The following PDE10A variants were observed in gnomAD, a reference collection of about 807,000 sequenced individuals.
The protein encoded by PDE10A is cAMP and cAMP-inhibited cGMP 3',5'-cyclic phosphodiesterase 10A.
A neutral mutation model predicts 97.7 loss-of-function variants in PDE10A; 39 were observed. That is an observed-to-expected ratio of 0.40 (90% CI 0.31 to 0.52). The LOEUF is 0.52. Among genes scored for constraint, PDE10A ranks in the 20% least tolerant of loss-of-function variants. The probability of loss-of-function intolerance (pLI) is 0.56; values close to 1 mark genes in which losing one functional copy is unlikely to be tolerated. For missense variants in PDE10A, 731 were observed against 1,047.8 expected, an observed-to-expected ratio of 0.70 and a Z score of 4.17; for synonymous variants, 371 against 376.8, an observed-to-expected ratio of 0.98 and a Z score of 0.18.
At chr6:165,730,389 C>G (rs1439913705) in intron 1 of PDE10A, among the ~76,000 whole-genome samples, 1 of 152,194 alleles carries the variant, frequency 6.6e-6, no homozygotes, top group African/African-American at 2.4e-5. Context: ...CGTCCCCCAT[C>G]CCAGAGCATT....
intron 17 of PDE10A, among the ~76,000 whole-genome samples, chr6:165,380,266 T>C (rs1427016319): frequency 6.6e-6 from 1 of 152,218 alleles, no homozygotes; most frequent in Admixed American, 6.5e-5. Context: ...AGTACTACTC[T>C]AAGTTGATTT....
intron 2 of PDE10A, among the ~76,000 whole-genome samples, chr6:165,540,146 G>A (rs1054134838): frequency 4.6e-5 from 7 of 152,140 alleles, no homozygotes; most frequent in African/African-American, 1.7e-4. Context: ...GATGCACGCA[G>A]TTCATGCCTT....
intron 3 of PDE10A, among the ~76,000 whole-genome samples, chr6:165,478,114 C>T (rs922421778): frequency 6.6e-6 from 1 of 152,178 alleles, no homozygotes; most frequent in Non-Finnish European, 1.5e-5. Context: ...TATGCACTTG[C>T]TTTCTAAAAA....
chr6:165,735,424 A>G (rs1020628983), intron 1 of PDE10A, among the ~76,000 whole-genome samples: 8 of 152,002 alleles, frequency 5.3e-5, no homozygotes, highest in African/African-American at 1.9e-4. Context: ...GTAGATAGGT[A>G]GGTAGGTTGG....
At position 165,395,201 on chromosome 6, in the gene PDE10A, A is replaced by T; in HGVS notation, c.2283T>A (p.His761Gln). 6.2e-7 allele frequency: 1 copy of T among 1,612,904 alleles called. No homozygotes were observed. The highest frequency in any genetic ancestry group is 1.1e-5 in the South Asian group (1 of 91,064). ...CATACCAGGATGTCCCACAGGACCG[A>T]TGAACCATGTAGACAAAAATTCCAG... is the stretch of plus-strand genomic sequence containing the variant. ...MWPGIFVYMVHRSCGTSCFEL... is the reference protein window; with the variant it reads ...MWPGIFVYMVQRSCGTSCFEL... Residue 761 changes from histidine to glutamine, a missense_variant, in exon 15 of 22, where the codon CAT becomes CAA. His to Gln is a conservative substitution (Grantham distance 24). Around this residue, in one of 8 missense-constraint regions of PDE10A, gnomAD observed 131 missense variants for 187.4 expected, o/e 0.70. Transcript: ENST00000539869.
intron 2 of PDE10A, among the ~76,000 whole-genome samples, chr6:165,488,554 G>GA (rs1780049821): frequency 6.6e-6 from 1 of 152,180 alleles, no homozygotes; most frequent in Admixed American, 6.5e-5. Context: ...TTTGCTCCAA[G>GA]AACTACCAAA....
intron 1 of PDE10A, among the ~76,000 whole-genome samples, chr6:165,849,659 G>A (rs768763801): frequency 2.0e-5 from 3 of 152,198 alleles, no homozygotes; most frequent in African/African-American, 4.8e-5. Context: ...CTCGGTGCCA[G>A]AGAGCTCAGA....
At chr6:165,865,716 T>C (rs1781024076) in intron 1 of PDE10A, among the ~76,000 whole-genome samples, 1 of 150,216 alleles carries the variant, frequency 6.7e-6, no homozygotes, top group Non-Finnish European at 1.5e-5. Context: ...CTTGAAGACA[T>C]GTCTTTTAAA....
chr6:165,817,707 C>T (rs1371280278), intron 1 of PDE10A, among the ~76,000 whole-genome samples: 3 of 152,076 alleles, frequency 2.0e-5, no homozygotes, highest in African/African-American at 4.8e-5. Flanking sequence ...GGAAACCCTG[C>T]CTTTGGAAAT....
chr6:165,389,525 T>C (rs1294370618), intron 16 of PDE10A, among the ~76,000 whole-genome samples: 2 of 152,154 alleles, frequency 1.3e-5, no homozygotes, highest in African/African-American at 4.8e-5. Context: ...GAAGCTATAA[T>C]GATTACCATC....
chr6:165,736,175 G>A (rs6456009), intron 1 of PDE10A, among the ~76,000 whole-genome samples: 39,818 of 150,636 alleles, frequency 0.26, 6,875 homozygotes, highest in African/African-American at 0.48. Flanking sequence ...CAAAAGTAAC[G>A]GCTGCAAACA....
intron 12 of PDE10A, among the ~76,000 whole-genome samples, chr6:165,415,613 G>T (rs912567510): frequency 1.3e-5 from 2 of 151,958 alleles, no homozygotes; most frequent in East Asian, 3.9e-4. Flanking sequence ...AGTTACTTTG[G>T]GTCAGGTAAA....
chr6:165,886,731 G>A (rs1480356111), intron 1 of PDE10A, among the ~76,000 whole-genome samples: 1 of 152,146 alleles, frequency 6.6e-6, no homozygotes, highest in Non-Finnish European at 1.5e-5. Context: ...TTGTTTTAAA[G>A]TCTTGTCAGA....
intron 2 of PDE10A, among the ~76,000 whole-genome samples, chr6:165,525,579 G>A (rs569148637): frequency 2.0e-5 from 3 of 152,228 alleles, no homozygotes; most frequent in African/African-American, 2.4e-5. Flanking sequence ...AATTCTTTGC[G>A]AAATAGATTT....
rs901846876 is a variant in PDE10A at position 165,507,517 on chromosome 6, C to T, written c.995-25174G>A. ...CAGACACCCCAGTATCCAACTACAC[C>T]AAGCCCAAGTCCAGTAAGTTTCTTC... On this transcript the variant is annotated intron_variant, in intron 2 of 21. Transcript: ENST00000539869. Among the ~76,000 whole-genome samples, 13 of 152,172 alleles carry T rather than the reference C, an allele frequency of 8.5e-5. No homozygotes were observed. The East Asian group carries it at 1.7e-3, about 20-fold the overall frequency.
chr6:165,884,980 A>C (rs1227119916), intron 1 of PDE10A, among the ~76,000 whole-genome samples: 1 of 152,200 alleles, frequency 6.6e-6, no homozygotes, highest in Non-Finnish European at 1.5e-5. Flanking sequence ...GGGTTTAATT[A>C]CTGAATTCCG....
chr6:165,739,420 A>G (rs1792662230), intron 1 of PDE10A, among the ~76,000 whole-genome samples: 1 of 152,254 alleles, frequency 6.6e-6, no homozygotes, highest in East Asian at 1.9e-4. Flanking sequence ...TGGTGTCAGG[A>G]AAGCTGGATA....
At chr6:165,944,399 C>T (rs1238228285) in intron 1 of PDE10A, among the ~76,000 whole-genome samples, 2 of 152,160 alleles carry the variant, frequency 1.3e-5, no homozygotes, top group Non-Finnish European at 2.9e-5. Flanking sequence ...GGTTCCCTTC[C>T]TCTTGCAGAC....
intron 1 of PDE10A, among the ~76,000 whole-genome samples, chr6:165,739,723 TC>T (rs1185927651): frequency 2.0e-5 from 3 of 152,052 alleles, no homozygotes; most frequent in Non-Finnish European, 4.4e-5. Flanking sequence ...AAACCATACA[TC>T]CTATAAGGGG....
Sources: gnomAD v4.1 joint callset for allele counts (sites outside exome capture counted in the v4.1 genomes callset) on GRCh38, gnomAD v4.1.1 for gene constraint, gnomAD v4.1.1 regional missense constraint, MANE v1.5 for transcripts, NCBI Gene and HGNC (gene_info 2026-07-23, HGNC 2026-07-21) for gene names.